RYR2: variants seen among roughly 807,000 people sequenced by gnomAD.
The protein encoded by RYR2 is ryanodine receptor 2, also known as cardiac muscle ryanodine receptor-calcium release channel.
RYR2 carries 227 observed loss-of-function variants against 601.1 expected under a neutral mutation model. That is an observed-to-expected ratio of 0.38 (90% CI 0.34 to 0.42). RYR2 has a LOEUF of 0.42. Ranked by LOEUF, RYR2 falls within the 10% of genes least tolerant of loss-of-function variation. The pLI, the probability that RYR2 is intolerant of heterozygous loss-of-function variation, is 1.00. For missense variants in RYR2, 4,646 were observed against 6,156.5 expected (o/e 0.75, Z 8.21); for synonymous variants, 2,223 against 2,175.1 (o/e 1.02, Z -0.61).
Position 237,700,356 on chromosome 1 carries a change from C to A in RYR2, c.9256C>A (p.Gln3086Lys), listed in dbSNP as rs1439674246. ...GGGCCAGTTCACTCACACCCGAAAC[C>A]AGCCCAAAGGGGTTACTCAGATTAT... Reference protein sequence around the residue: ...KQGQFTHTRNQPKGVTQIINY... With the variant: ...KQGQFTHTRNKPKGVTQIINY... Residue 3086 changes from glutamine (Q) to lysine (K), a missense_variant, in exon 65 of 105, where the codon CAG becomes AAG. Physicochemically the swap from Gln to Lys is moderately conservative, Grantham distance 53 (BLOSUM62 1). Coordinates refer to ENST00000366574, the MANE Select transcript of RYR2 (RefSeq NM_001035.3). The A allele has an allele frequency of 1.9e-6, 3 of 1,604,468 alleles. No individual in the cohort carries two copies. The highest frequency in any genetic ancestry group is 2.6e-6 in the Non-Finnish European group (3 of 1,175,174).
chr1:237,674,334 A>G (rs1249157068), intron 59 of RYR2, 115 bp downstream of exon 59: 5 of 806,046 alleles, frequency 6.2e-6, no homozygotes, highest in Non-Finnish European at 1.0e-5. Context: ...CTTTTGAGGT[A>G]CTGTTTAATA....
intron 17 of RYR2, among the ~76,000 whole-genome samples, chr1:237,484,243 A>G (rs906189628): frequency 6.6e-6 from 1 of 152,224 alleles, no homozygotes; most frequent in Non-Finnish European, 1.5e-5. Flanking sequence ...ACACTCCTGT[A>G]TCCTTCATGA....
chr1:237,704,485 T>C (rs1342899801), intron 66 of RYR2, among the ~76,000 whole-genome samples: 1 of 152,146 alleles, frequency 6.6e-6, no homozygotes, highest in Non-Finnish European at 1.5e-5. Flanking sequence ...TTTTTATGAC[T>C]AAATCAATAT....
intron 1 of RYR2, among the ~76,000 whole-genome samples, chr1:237,115,922 C>T (rs1023273445): frequency 6.6e-6 from 1 of 152,094 alleles, no homozygotes; most frequent in Non-Finnish European, 1.5e-5. Flanking sequence ...TTACTCTGAA[C>T]AATACATTTC....
chr1:237,213,915 C>CTTTTTTTT (rs71180008), intron 1 of RYR2, among the ~76,000 whole-genome samples: 60 of 65,492 alleles, frequency 9.2e-4, no homozygotes, highest in African/African-American at 1.1e-3. Context: ...TTTTCTTTTT[C>CTTTTTTTT]TTTTTTTTTT....
chr1:237,742,244 C>G, intron 79 of RYR2, 52 bp from the exon 80 acceptor site: 2 of 1,260,414 alleles, frequency 1.6e-6, no homozygotes, highest in South Asian at 1.4e-5. Context: ...TTTGCACTTT[C>G]TAAAATCTCA....
chr1:237,542,339 C>T (rs944861149), intron 25 of RYR2, among the ~76,000 whole-genome samples: 3 of 151,988 alleles, frequency 2.0e-5, no homozygotes, highest in Non-Finnish European at 2.9e-5. Context: ...GTGATCCGCC[C>T]GCCTCAGCCT....
chr1:237,832,833 A>T lies in RYR2; in HGVS notation c.*186A>T. The T allele has an allele frequency of 2.0e-6, 1 of 504,160 alleles. No individual in the cohort carries two copies. The highest frequency in any genetic ancestry group is 3.5e-5 in the Admixed American group (1 of 28,538). 31.2% of individuals were successfully genotyped at this position (504,160 alleles called of 1,614,324 possible). On this transcript the variant is annotated 3_prime_UTR_variant, in exon 105 of 105. Transcript: ENST00000366574. ...CCCCACCTTTTGTATTTACTTTGAG[A>T]CTAAAGACTGAAGAATAATCTAAAT...
chr1:237,374,786 G>A lies in RYR2; in HGVS notation c.454G>A (p.Asp152Asn), dbSNP rs1449710214. The change falls in exon 7 of 105, where the codon GAC (aspartate) becomes AAC (asparagine). Residue 152 changes from aspartate (D) to asparagine (N), a missense_variant. By Grantham distance (23) the Asp-to-Asn change is conservative. This residue lies in a region of RYR2 where 153 missense variants were observed against 203.6 expected (regional missense o/e 0.75). Coordinates refer to ENST00000366574, the MANE Select transcript of RYR2 (RefSeq NM_001035.3). ...GGCTTTTGATGTTGGCTTGCAAGAG[G>A]ACACCACAGGTAAGCATCTTGTGCT... ...KLAFDVGLQEDTTGEACWWTI... is the reference protein window; with the variant it reads ...KLAFDVGLQENTTGEACWWTI... The A allele has an allele frequency of 6.2e-7, 1 of 1,611,874 alleles. No homozygotes were observed. Among genetic ancestry groups the A allele is most frequent in the Non-Finnish European group, 8.5e-7 (1 of 1,178,934 alleles).
At chr1:237,402,886 ATCCCC>A (rs1703505435) in intron 10 of RYR2, among the ~76,000 whole-genome samples, 4 of 149,090 alleles carry the variant, frequency 2.7e-5, no homozygotes, top group South Asian at 2.1e-4. Flanking sequence ...GCCTCAAACC[ATCCCC>A]CTGCTTCAGC....
intron 1 of RYR2, among the ~76,000 whole-genome samples, chr1:237,054,747 T>C (rs1661761398): frequency 1.3e-5 from 2 of 152,202 alleles, no homozygotes; most frequent in Non-Finnish European, 2.9e-5. Context: ...GTATTTTTAC[T>C]TTAAAAAAAG....
chr1:237,245,415 A>G (rs1686709629), intron 1 of RYR2, among the ~76,000 whole-genome samples: 1 of 152,110 alleles, frequency 6.6e-6, no homozygotes, highest in Admixed American at 6.6e-5. Context: ...GTGGAAATAA[A>G]TTCAGCTGTA....
intron 14 of RYR2, among the ~76,000 whole-genome samples, chr1:237,451,085 T>C (rs373035003): frequency 6.6e-6 from 1 of 151,858 alleles, no homozygotes; most frequent in South Asian, 2.1e-4. Flanking sequence ...TGCACAGGAG[T>C]ATTACCTATT....
At chr1:237,753,072 C>G (rs1428505927) in intron 80 of RYR2, among the ~76,000 whole-genome samples, 1 of 152,188 alleles carries the variant, frequency 6.6e-6, no homozygotes, top group Non-Finnish European at 1.5e-5. Context: ...GTCAGTCGCT[C>G]AGGTTCTGCC....
In RYR2 at chr1:237,702,025, G is replaced by C; in HGVS notation, c.9415G>C (p.Ala3139Pro). 2 of 1,608,086 alleles carry C rather than the reference G, an allele frequency of 1.2e-6. No homozygotes were observed. The highest frequency in any genetic ancestry group is 1.7e-6 in the Non-Finnish European group (2 of 1,174,798). ...TTATAGAATTCTGACTAGCTTATATGCTTTGGGAACCAGCAAGAGTATTTA... is the reference window on the plus strand; with the variant it reads ...TTATAGAATTCTGACTAGCTTATATCCTTTGGGAACCAGCAAGAGTATTTA... ...SCYRILTSLYALGTSKSIYVE... is the reference protein window; with the variant it reads ...SCYRILTSLYPLGTSKSIYVE... The change falls in exon 66 of 105, where the codon GCT (alanine) becomes CCT (proline). Residue 3139 changes from alanine (A) to proline (P), a missense_variant. Ala to Pro is a conservative substitution (Grantham distance 27, BLOSUM62 -1). Transcript: ENST00000366574.
chr1:237,610,243 A>G lies in RYR2; in HGVS notation c.4684-519A>G, dbSNP rs1256777418. Among the ~76,000 whole-genome samples the G allele has an allele frequency of 6.6e-6, 1 of 152,164 alleles. No individual in the cohort carries two copies. Among genetic ancestry groups the G allele is most frequent in the African/African-American group, 2.4e-5 (1 of 41,442 alleles). On this transcript the variant is annotated intron_variant, in intron 35 of 104. Coordinates refer to ENST00000366574, the MANE Select transcript of RYR2 (RefSeq NM_001035.3). The surrounding 1 kb of genome is among the most constrained non-coding windows in gnomAD (Gnocchi z 4.9). ...AAGTAGGTTTGTTAATGCCTAACAT[A>G]TTCTGTTTTCTTATTCGGTAGTCAG...
chr1:237,198,376 G>A (rs2149033789), intron 1 of RYR2, among the ~76,000 whole-genome samples: 1 of 150,898 alleles, frequency 6.6e-6, no homozygotes, highest in Admixed American at 6.6e-5. Context: ...TAAAATCCTT[G>A]CATTTTATAG....
intron 81 of RYR2, among the ~76,000 whole-genome samples, 194 bp from the exon 82 acceptor site, chr1:237,757,503 T>G: frequency 6.6e-6 from 1 of 152,190 alleles, no homozygotes; most frequent in East Asian, 1.9e-4. Context: ...AGAGAATTTA[T>G]TAAAAATGTT....
At chr1:237,481,571 G>T (rs981364507) in intron 17 of RYR2, among the ~76,000 whole-genome samples, 3 of 152,058 alleles carry the variant, frequency 2.0e-5, no homozygotes, top group African/African-American at 7.2e-5. Flanking sequence ...CAAGCTAGAC[G>T]TTTCTATAGT....
Sources: allele counts gnomAD v4.1 joint callset (sites outside exome capture counted in the v4.1 genomes callset), GRCh38; gene constraint gnomAD v4.1.1; regional missense constraint gnomAD v4.1.1; non-coding constraint Gnocchi (gnomAD v3.1); transcripts MANE v1.5; gene names NCBI Gene and HGNC (gene_info 2026-07-23, HGNC 2026-07-21).